Variants in STPG4 observed in about 807,000 individuals in gnomAD.
STPG4 encodes the protein sperm-tail PG-rich repeat containing 4.
A neutral mutation model predicts 31.5 loss-of-function variants in STPG4; 41 were observed. The observed-to-expected ratio is 1.30, with a 90% CI of 1.01 to 1.69. STPG4 has a LOEUF of 1.69. STPG4 is among the 40% of genes most tolerant of loss of function. The pLI is 0.00. For missense variants in STPG4, 375 were observed against 293.4 expected (o/e 1.28, Z -2.03); for synonymous variants, 141 against 103.0 (o/e 1.37, Z -2.24).
chr2:47,130,337 T>C, intron 3 of STPG4, 77 bp from the exon 4 acceptor site: 1 of 1,161,810 alleles, frequency 8.6e-7, no homozygotes. Context: ...TTCGTAATCT[T>C]TTATTTTATG....
chr2:47,121,017 C>A (rs6741108), intron 5 of STPG4: 15,752 of 152,560 alleles, frequency 0.1, 908 homozygotes, highest in Non-Finnish European at 0.12. Flanking sequence ...GCTGACCTGG[C>A]AGTGTAGAGA....
chr2:47,112,910 T>G (rs1157307209), intron 5 of STPG4, among the ~76,000 whole-genome samples: 1 of 150,846 alleles, frequency 6.6e-6, no homozygotes, highest in African/African-American at 2.4e-5. Flanking sequence ...GAGGATTGCT[T>G]GAGCCCGGGA....
At chr2:47,100,077 G>C (rs997749754) in intron 5 of STPG4, among the ~76,000 whole-genome samples, 1 of 152,108 alleles carries the variant, frequency 6.6e-6, no homozygotes, top group Non-Finnish European at 1.5e-5. Flanking sequence ...CTGCTCCAAG[G>C]TGCCCAGTCC....
chr2:47,126,747 GTATT>G lies in STPG4; in HGVS notation c.519+3190_519+3193del, dbSNP rs138944972. Among the ~76,000 whole-genome samples the G allele has an allele frequency of 5.6e-3, 858 of 152,266 alleles. 7 individuals are homozygous for G. The highest frequency in any genetic ancestry group is 0.019 in the African/African-American group (810 of 41,552). On this transcript the variant is annotated intron_variant, in intron 5 of 6. Coordinates refer to ENST00000445927, the MANE Select transcript of STPG4 (RefSeq NM_001163561.2). ...GCCTTAGCTTTGGTTGTCTGGGAAA[GTATT>G]TATCCTTCACATTTTAAGGATTTTT...
intron 5 of STPG4, among the ~76,000 whole-genome samples, chr2:47,104,992 G>A (rs923395703): frequency 9.2e-5 from 14 of 151,950 alleles, no homozygotes; most frequent in South Asian, 4.2e-4. Context: ...ATGGATCCCC[G>A]GATACAGTGA....
chr2:47,128,336 C>T (rs900153632), intron 5 of STPG4, among the ~76,000 whole-genome samples: 5 of 152,156 alleles, frequency 3.3e-5, no homozygotes, highest in African/African-American at 9.7e-5. Context: ...CAGTAACTAC[C>T]GCCTAGCTAC....
At chr2:47,108,686 C>T (rs780538110) in intron 5 of STPG4, 1 of 153,354 alleles carries the variant, frequency 6.5e-6, no homozygotes, top group Non-Finnish European at 1.5e-5. Flanking sequence ...TCCTGGCATT[C>T]TTTCCCTAGT....
At chr2:47,146,895 G>T (rs902005425) in intron 3 of STPG4, among the ~76,000 whole-genome samples, 5 of 152,068 alleles carry the variant, frequency 3.3e-5, no homozygotes, top group Admixed American at 1.3e-4. Flanking sequence ...TCAGCACTTT[G>T]GGGGGATGAG....
rs373120233 is a variant in STPG4, at chr2:47,115,061, C to A, written c.519+14880G>T. On this transcript the variant is annotated intron_variant, in intron 5 of 6. Coordinates refer to ENST00000445927, the MANE Select transcript of STPG4 (RefSeq NM_001163561.2). ...GCGATTACAAGCATAAGCCACCATG[C>A]CTGGCCTATTTCTTTTCTTCTACAG... is the stretch of plus-strand genomic sequence containing the variant. Among the ~76,000 whole-genome samples the A allele has an allele frequency of 5.9e-5, 9 of 152,310 alleles. No individual in the cohort carries two copies. In the East Asian group the frequency reaches 9.6e-4, roughly 16 times the overall value.
At chr2:47,087,243 C>G (rs1250109170) in intron 6 of STPG4, 113 bp from the exon 7 acceptor site, 1 of 1,238,810 alleles carries the variant, frequency 8.1e-7, no homozygotes, top group East Asian at 2.6e-5. Flanking sequence ...AGGATGAAGA[C>G]CAGGGCCACA....
At chr2:47,130,335 CTTTTA>C in intron 3 of STPG4, 75 bp from the exon 4 acceptor site, 1 of 1,195,812 alleles carries the variant, frequency 8.4e-7, no homozygotes, top group Non-Finnish European at 1.2e-6. Flanking sequence ...CATTCGTAAT[CTTTTA>C]TTTTATGACC....
intron 5 of STPG4, among the ~76,000 whole-genome samples, chr2:47,122,581 G>A (rs1218345250): frequency 1.3e-5 from 2 of 151,672 alleles, no homozygotes; most frequent in Non-Finnish European, 2.9e-5. Context: ...TTTCCCTACT[G>A]ACTTGTCATA....
At chr2:47,121,996 G>A (rs1686280913) in intron 5 of STPG4, among the ~76,000 whole-genome samples, 1 of 152,054 alleles carries the variant, frequency 6.6e-6, no homozygotes, top group Admixed American at 6.6e-5. Flanking sequence ...ATAGATTCCA[G>A]GCATTAGGGC....
chr2:47,102,735 C>T (rs773046909), intron 5 of STPG4, among the ~76,000 whole-genome samples: 9 of 151,766 alleles, frequency 5.9e-5, no homozygotes, highest in Non-Finnish European at 8.8e-5. Flanking sequence ...CATAAAAAAC[C>T]CCGGGCTATC....
chr2:47,107,338 C>T (rs557738976), intron 5 of STPG4, among the ~76,000 whole-genome samples: 12 of 152,234 alleles, frequency 7.9e-5, no homozygotes, highest in Admixed American at 2.6e-4. Context: ...GCTGGAGTTC[C>T]GGGTGGGCAT....
intron 3 of STPG4, among the ~76,000 whole-genome samples, chr2:47,141,564 A>C (rs888399970): frequency 1.1e-4 from 16 of 152,174 alleles, no homozygotes; most frequent in South Asian, 6.2e-4. Flanking sequence ...CCTCAAAAAA[A>C]AAAAAAAAAT....
chr2:47,087,671 T>C (rs1261433587), intron 6 of STPG4, among the ~76,000 whole-genome samples: 1 of 152,242 alleles, frequency 6.6e-6, no homozygotes, highest in Non-Finnish European at 1.5e-5. Context: ...GTCAGAAGTG[T>C]TCTCAAGGGA....
chr2:47,154,599 T>C (rs1573206511), intron 1 of STPG4, among the ~76,000 whole-genome samples: 1 of 152,202 alleles, frequency 6.6e-6, no homozygotes, highest in Non-Finnish European at 1.5e-5. Context: ...GCCATGGCGG[T>C]GCATGCCTGT....
chr2:47,091,669 A>T (rs1685572147), intron 5 of STPG4, among the ~76,000 whole-genome samples: 2 of 152,200 alleles, frequency 1.3e-5, no homozygotes, highest in Non-Finnish European at 2.9e-5. Flanking sequence ...AAAATTGAAC[A>T]TTGTTGAATT....
Sources: gnomAD v4.1 joint callset for allele counts (sites outside exome capture counted in the v4.1 genomes callset) on GRCh38, gnomAD v4.1.1 for gene constraint, MANE v1.5 for transcripts, NCBI Gene and HGNC (gene_info 2026-07-23, HGNC 2026-07-21) for gene names.